The following TMTC2 variants were observed in gnomAD, a reference collection of about 807,000 sequenced individuals.
TMTC2 encodes the protein transmembrane O-mannosyltransferase targeting cadherins 2, also known as protein O-mannosyl-transferase TMTC2.
TMTC2 carries 43 observed loss-of-function variants against 82.4 expected under a neutral mutation model. The observed-to-expected ratio is 0.52, with a 90% CI of 0.41 to 0.67. The LOEUF (loss-of-function observed/expected upper bound fraction) is 0.67. TMTC2 is among the 30% of genes least tolerant of loss of function. The pLI is 0.00. For synonymous variants in TMTC2, 408 were observed against 381.9 expected (o/e 1.07, Z -0.80); for missense variants, 919 against 1,012.4 (o/e 0.91, Z 1.25).
intron 9 of TMTC2, among the ~76,000 whole-genome samples, chr12:83,050,179 G>T (rs537995966): frequency 6.6e-6 from 1 of 152,068 alleles, no homozygotes; most frequent in African/African-American, 2.4e-5. Context: ...TTGAATATCC[G>T]TATCAGATAA....
chr12:82,722,978 G>A (rs911176850), intron 1 of TMTC2, among the ~76,000 whole-genome samples: 2 of 152,126 alleles, frequency 1.3e-5, no homozygotes, highest in Admixed American at 1.3e-4. Context: ...GATTTAACAT[G>A]TTCCATTCAA....
At chr12:82,707,031 T>C (rs1399391321) in intron 1 of TMTC2, among the ~76,000 whole-genome samples, 1 of 152,326 alleles carries the variant, frequency 6.6e-6, no homozygotes, top group East Asian at 1.9e-4. Context: ...CTTTTGATAA[T>C]AAAGACTTTT....
At chr12:82,795,007 C>T (rs117733446) in intron 1 of TMTC2, among the ~76,000 whole-genome samples, 4,591 of 152,026 alleles carry the variant, frequency 0.03, 121 homozygotes, top group Non-Finnish European at 0.041. Flanking sequence ...CGCTGGAATC[C>T]GAAGTTGAGA....
At chr12:82,929,210 G>A (rs576515326) in intron 3 of TMTC2, among the ~76,000 whole-genome samples, 16 of 151,912 alleles carry the variant, frequency 1.1e-4, no homozygotes, top group African/African-American at 3.9e-4. Flanking sequence ...CATCTAACAC[G>A]CCAAGCTAAT....
At chr12:83,034,289 T>A (rs1490978424) in intron 9 of TMTC2, among the ~76,000 whole-genome samples, 1 of 152,154 alleles carries the variant, frequency 6.6e-6, no homozygotes, top group African/African-American at 2.4e-5. Context: ...AATCCAACTA[T>A]TAAAGGGCTA....
intron 11 of TMTC2, among the ~76,000 whole-genome samples, chr12:83,088,060 G>T (rs1272247412): frequency 6.6e-6 from 1 of 152,220 alleles, no homozygotes; most frequent in Admixed American, 6.5e-5. Flanking sequence ...ATCTTAGCTA[G>T]ATCTTCAAGA....
chr12:82,964,877 T>G (rs1314739273), intron 4 of TMTC2, 147 bp from the exon 5 acceptor site: 4 of 495,524 alleles, frequency 8.1e-6, no homozygotes, highest in African/African-American at 2.0e-5. Flanking sequence ...AATCATTTCC[T>G]TATATTTAGA....
intron 11 of TMTC2, among the ~76,000 whole-genome samples, chr12:83,096,022 T>TA (rs1342707569): frequency 6.6e-6 from 1 of 152,252 alleles, no homozygotes; most frequent in African/African-American, 2.4e-5. Flanking sequence ...GTAAAAGATT[T>TA]ACCCTTTTGA....
In TMTC2 at chr12:83,070,230, G is replaced by A; in HGVS notation, c.2331+8399G>A. 2.6e-5 allele frequency among the ~76,000 whole-genome samples: 4 copies of A among 152,196 alleles called. 1 individual carries two copies. The highest frequency in any genetic ancestry group is 2.6e-4 in the Admixed American group (4 of 15,286). On this transcript the variant is annotated intron_variant, in intron 11 of 11. Transcript: ENST00000321196. Reference sequence around the variant, plus strand: ...ATTTCTAATTCTGTGAAGAAGGATGGTGGTATTTTGATGGGGATTGCATTT... The same window carrying A: ...ATTTCTAATTCTGTGAAGAAGGATGATGGTATTTTGATGGGGATTGCATTT...
chr12:83,060,466 T>C (rs991640366), intron 10 of TMTC2, among the ~76,000 whole-genome samples: 1 of 151,780 alleles, frequency 6.6e-6, no homozygotes. Flanking sequence ...TTTTGTGTTC[T>C]CTTCATCCTT....
chr12:82,868,308 C>G (rs1393031312), intron 2 of TMTC2, among the ~76,000 whole-genome samples: 1 of 152,102 alleles, frequency 6.6e-6, no homozygotes, highest in African/African-American at 2.4e-5. Flanking sequence ...TGTCAATCAG[C>G]AAAGAATGGA....
intron 11 of TMTC2, among the ~76,000 whole-genome samples, chr12:83,095,114 T>C (rs1366955334): frequency 6.6e-6 from 1 of 152,054 alleles, no homozygotes; most frequent in Non-Finnish European, 1.5e-5. Flanking sequence ...GGTTGGAGAA[T>C]TGTGTGTGTG....
rs192978633 is a variant in TMTC2, at chr12:82,985,305, G to A, written c.1949-620G>A. On this transcript the variant is annotated intron_variant, in intron 7 of 11. Coordinates refer to ENST00000321196, the MANE Select transcript of TMTC2 (RefSeq NM_152588.3). ...AGACTCAAGCTATCCGCCTGCCTTG[G>A]CCTCCCTAAGTGCTGGGATTACAGG... 4.8e-3 allele frequency among the ~76,000 whole-genome samples: 726 copies of A among 152,170 alleles called. 3 individuals are homozygous for A. The highest frequency in any genetic ancestry group is 7.7e-3 in the Non-Finnish European group (526 of 67,996).
chr12:82,867,729 A>T (rs1362182074), intron 2 of TMTC2, among the ~76,000 whole-genome samples: 2 of 152,228 alleles, frequency 1.3e-5, no homozygotes, highest in Non-Finnish European at 2.9e-5. Flanking sequence ...ACTCAAAGTT[A>T]CATGAAAACC....
chr12:82,858,985 G>C (rs1218959282), intron 2 of TMTC2, among the ~76,000 whole-genome samples: 2 of 152,088 alleles, frequency 1.3e-5, no homozygotes, highest in East Asian at 3.9e-4. Context: ...TTTGTCCTTA[G>C]GGAGGTTATG....
intron 7 of TMTC2, among the ~76,000 whole-genome samples, chr12:82,978,818 A>C (rs923371767): frequency 1.3e-5 from 2 of 151,740 alleles, no homozygotes; most frequent in African/African-American, 2.4e-5. Flanking sequence ...ATTGGGGTCT[A>C]TCTCTCTAGC....
intron 3 of TMTC2, among the ~76,000 whole-genome samples, chr12:82,904,982 C>CTT (rs370846723): frequency 1.9e-3 from 261 of 133,902 alleles, no homozygotes; most frequent in African/African-American, 6.1e-3. Flanking sequence ...TTTTTTGTTT[C>CTT]TTTTTTTTTT....
At chr12:82,872,260 G>A (rs1459430023) in intron 2 of TMTC2, among the ~76,000 whole-genome samples, 12 of 152,118 alleles carry the variant, frequency 7.9e-5, no homozygotes, top group Admixed American at 7.9e-4. Context: ...ACATTGGCCT[G>A]CAGGGGCATA....
intron 4 of TMTC2, among the ~76,000 whole-genome samples, chr12:82,956,491 C>T (rs1877623891): frequency 6.6e-6 from 1 of 152,028 alleles, no homozygotes; most frequent in East Asian, 1.9e-4. Flanking sequence ...TCAATGTCAC[C>T]CAGGCTAGAG....
Sources: allele counts gnomAD v4.1 joint callset (sites outside exome capture counted in the v4.1 genomes callset), GRCh38; gene constraint gnomAD v4.1.1; transcripts MANE v1.5; gene names NCBI Gene and HGNC (gene_info 2026-07-23, HGNC 2026-07-21).